The following APC variants were observed in gnomAD, a reference collection of about 807,000 sequenced individuals.
APC encodes the protein APC regulator of Wnt signaling pathway, also known as adenomatous polyposis coli protein.
Under a neutral mutation model 247.0 loss-of-function variants are expected in APC, and 72 were observed. That is an observed-to-expected ratio of 0.29 (90% CI 0.24 to 0.35). APC has a LOEUF of 0.35. Among genes scored for constraint, APC ranks in the 10% least tolerant of loss-of-function variants. APC has a pLI of 1.00. For synonymous variants in APC, 1,254 were observed against 1,162.5 expected, an observed-to-expected ratio of 1.08 and a Z score of -1.60; for missense variants, 3,400 against 3,360.7, an observed-to-expected ratio of 1.01 and a Z score of -0.29.
intron 1 of APC, chr5:112,738,594 C>A: frequency 1.4e-6 from 1 of 730,650 alleles, no homozygotes; most frequent in Non-Finnish European, 1.7e-6. Context: ...TTGTTAGTTA[C>A]AAAATGCAGT....
chr5:112,724,987 AT>A (rs1303818967), intron 1 of APC, among the ~76,000 whole-genome samples: 1 of 151,474 alleles, frequency 6.6e-6, no homozygotes, highest in Admixed American at 6.6e-5. Flanking sequence ...TTTTTATTTT[AT>A]TTTTTTTTAT....
chr5:112,781,435 G>A (rs1353969291), intron 6 of APC, among the ~76,000 whole-genome samples: 1 of 152,156 alleles, frequency 6.6e-6, no homozygotes, highest in Admixed American at 6.6e-5. Context: ...ATTGAATATA[G>A]CCTTTTTATA....
chr5:112,717,908 CTTTTTTTTTTTTTTTTTTTTTTT>C, intron 1 of APC, among the ~76,000 whole-genome samples: 1 of 40,634 alleles, frequency 2.5e-5, no homozygotes, highest in Non-Finnish European at 4.5e-5. Context: ...TTTTCTTTTT[CTTTTTTTTTTTTTTTTTTTTTTT>C]TTTTTTGCTT....
At chr5:112,827,045 A>C (rs185558823) in intron 11 of APC, 63 bp from the exon 12 acceptor site, 2 of 1,558,326 alleles carry the variant, frequency 1.3e-6, no homozygotes, top group Admixed American at 3.4e-5. Context: ...TAAGTTACCA[A>C]CTTGGTACCA....
At position 112,815,525 on chromosome 5, in the gene APC, G is replaced by A. The variant is rs2149762861; in HGVS notation, c.865G>A (p.Ala289Thr). 6 of 1,612,290 alleles carry A rather than the reference G, an allele frequency of 3.7e-6. No individual in the cohort carries two copies. The highest frequency in any genetic ancestry group is 5.1e-6 in the Non-Finnish European group (6 of 1,178,794). ...AACTACACGAATGGACCATGAAACA[G>A]CCAGTGTTTTGAGTTCTAGTAGCAC... is the stretch of plus-strand genomic sequence containing the variant. ...GSTTRMDHET[A>T]SVLSSSSTHS... Residue 289 changes from alanine to threonine, a missense_variant, in exon 9 of 16, where the codon GCC (alanine) becomes ACC (threonine). Around this residue, in one of 9 missense-constraint regions of APC, gnomAD observed 372 missense variants for 367.6 expected, o/e 1.01. Transcript: ENST00000257430.
chr5:112,792,245 CGAAAAAAA>C (rs1561501762), intron 6 of APC, among the ~76,000 whole-genome samples, 193 bp from the exon 7 acceptor site: 2 of 147,710 alleles, frequency 1.4e-5, no homozygotes, highest in African/African-American at 5.0e-5. Context: ...GACTCTGTCT[CGAAAAAAA>C]AAGAAAAAAA....
intron 1 of APC, among the ~76,000 whole-genome samples, chr5:112,742,749 T>A (rs1028308888): frequency 1.3e-5 from 2 of 152,204 alleles, no homozygotes; most frequent in African/African-American, 4.8e-5. Flanking sequence ...TGCTGTATTC[T>A]CTTTATTAGA....
chr5:112,824,353 A>G (rs908790769), intron 11 of APC, among the ~76,000 whole-genome samples: 9 of 152,244 alleles, frequency 5.9e-5, no homozygotes, highest in African/African-American at 1.7e-4. Flanking sequence ...GGTTTAACCT[A>G]TGAATTCTAT....
At position 112,840,665 on chromosome 5, in the gene APC, C is replaced by A. The variant is rs1064794106; in HGVS notation, c.5071C>A (p.Pro1691Thr). 5 of 1,613,932 alleles carry A rather than the reference C, an allele frequency of 3.1e-6. No homozygotes were observed. The highest frequency in any genetic ancestry group is 4.2e-6 in the Non-Finnish European group (5 of 1,179,878). ...SGEFEKRDTI[P>T]TEGRSTDEAQ... is the part of the protein sequence containing the mutation. ...TGAATTTGAAAAACGAGATACCATT[C>A]CTACAGAAGGCAGAAGTACAGATGA... Residue 1691 changes from proline to threonine, a missense_variant, in exon 16 of 16, where the codon CCT becomes ACT. Physicochemically the swap from Pro to Thr is conservative, Grantham distance 38 (BLOSUM62 -1). Transcript: ENST00000257430. The surrounding 1 kb of genome is among the most constrained non-coding windows in gnomAD (Gnocchi z 4.1).
At position 112,767,854 on chromosome 5, in the gene APC, TTAAA is replaced by T. The variant is rs1418984910; in HGVS notation, c.422+467_422+470del. On this transcript the variant is annotated intron_variant, in intron 4 of 15. Coordinates refer to ENST00000257430, the MANE Select transcript of APC (RefSeq NM_000038.6). Reference sequence around the variant, plus strand: ...TCATGTTGGCCAAGCTGGTTATCACTTAAATACTTTGACTACTCTGTACATTGAG... The same window carrying T: ...TCATGTTGGCCAAGCTGGTTATCACTTACTTTGACTACTCTGTACATTGAG... Among the ~76,000 whole-genome samples the T allele has an allele frequency of 4.0e-5, 6 of 151,822 alleles. No homozygotes were observed. In the East Asian group the frequency reaches 1.2e-3, roughly 29 times the overall value.
Position 112,827,092 on chromosome 5 carries a change from G to A in APC, c.1409-16G>A, listed in dbSNP as rs751683321. ...TTTAGATGATTGTCTTTTTCCTCTT[G>A]CCCTTTTTAAATTAGGGGGACTACA... On this transcript the variant is annotated splice_polypyrimidine_tract_variant and intron_variant, in intron 11 of 15. Transcript: ENST00000257430. 1 of 1,612,520 alleles carries A rather than the reference G, an allele frequency of 6.2e-7. No individual in the cohort carries two copies. The highest frequency in any genetic ancestry group is 8.5e-7 in the Non-Finnish European group (1 of 1,179,394).
chr5:112,778,462 A>G (rs943774009), intron 5 of APC: 3 of 150,836 alleles, frequency 2.0e-5, no homozygotes, highest in Non-Finnish European at 2.9e-5. Context: ...GAAGTATTCT[A>G]TATTTAAAAA....
chr5:112,764,418 A>T (rs1756038467), intron 2 of APC, among the ~76,000 whole-genome samples: 1 of 152,188 alleles, frequency 6.6e-6, no homozygotes, highest in South Asian at 2.1e-4. Flanking sequence ...GAGCTAATAG[A>T]GGTAGAATCA....
intron 9 of APC, 111 bp from the exon 10 acceptor site, chr5:112,818,855 G>GGGTGTTTTGTTTTTTTTGAGTT: frequency 8.9e-7 from 1 of 1,118,294 alleles, no homozygotes; most frequent in Non-Finnish European, 1.3e-6. Context: ...GGCGGGGGGG[G>GGGTGTTTTGTTTTTTTTGAGTT]TTGTTTTGTT....
chr5:112,783,765 C>CAAAAAAAAAAA (rs77929348), intron 6 of APC: 12 of 198,036 alleles, frequency 6.1e-5, no homozygotes, highest in East Asian at 3.0e-4. Flanking sequence ...CCACTGCACT[C>CAAAAAAAAAAA]AAAAAAAAAA....
Position 112,837,874 on chromosome 5 carries a change from A to G in APC, c.2280A>G (p.Leu760=), listed in dbSNP as rs767947015. ...PSLHVRKQKA[L]EAELDAQHLS... is the part of the protein sequence containing the mutation. Reference sequence around the variant, plus strand: ...TTCATGTTAGGAAACAAAAAGCCCTAGAAGCAGAATTAGATGCTCAGCACT... The same window carrying G: ...TTCATGTTAGGAAACAAAAAGCCCTGGAAGCAGAATTAGATGCTCAGCACT... The change falls in exon 16 of 16, where the codon CTA becomes CTG. Residue 760 remains leucine (L), a synonymous_variant. Transcript: ENST00000257430. 9 of 1,613,986 alleles carry G rather than the reference A, an allele frequency of 5.6e-6. No homozygotes were observed. The East Asian group carries it at 1.8e-4, about 32-fold the overall frequency.
intron 4 of APC, among the ~76,000 whole-genome samples, chr5:112,773,201 G>A: frequency 6.6e-6 from 1 of 152,108 alleles, no homozygotes; most frequent in East Asian, 1.9e-4. Flanking sequence ...TCTCAGTAAA[G>A]GAAAATACAT....
intron 14 of APC, among the ~76,000 whole-genome samples, chr5:112,832,413 A>G (rs545937881): frequency 2.0e-5 from 3 of 152,354 alleles, no homozygotes; most frequent in East Asian, 3.8e-4. Flanking sequence ...AAAGCACTCT[A>G]TCTGCCTCCT....
chr5:112,750,113 C>G (rs1251597217), intron 1 of APC, among the ~76,000 whole-genome samples: 1 of 151,884 alleles, frequency 6.6e-6, no homozygotes, highest in Non-Finnish European at 1.5e-5. Flanking sequence ...CAGGCATATG[C>G]CACCACGCCT....
Sources: allele counts gnomAD v4.1 joint callset (sites outside exome capture counted in the v4.1 genomes callset), GRCh38; gene constraint gnomAD v4.1.1; regional missense constraint gnomAD v4.1.1; non-coding constraint Gnocchi (gnomAD v3.1); transcripts MANE v1.5; gene names NCBI Gene and HGNC (gene_info 2026-07-23, HGNC 2026-07-21).